The following CEP120 variants were observed in gnomAD, a reference collection of about 807,000 sequenced individuals.
The protein encoded by CEP120 is centrosomal protein of 120 kDa.
CEP120 carries 113 observed loss-of-function variants against 126.5 expected under a neutral mutation model. That is an observed-to-expected ratio of 0.89 (90% CI 0.77 to 1.04). The LOEUF (loss-of-function observed/expected upper bound fraction) is 1.04, where lower values mean the gene tolerates loss of function less well. CEP120 is among the 50% of genes least tolerant of loss of function. The pLI is 0.00. For synonymous variants in CEP120, 400 were observed against 394.3 expected (o/e 1.01, Z -0.17); for missense variants, 1,230 against 1,155.7 (o/e 1.06, Z -0.93).
At chr5:123,375,449 A>C (rs1274763939) in intron 16 of CEP120, among the ~76,000 whole-genome samples, 1 of 152,024 alleles carries the variant, frequency 6.6e-6, no homozygotes, top group Non-Finnish European at 1.5e-5. Flanking sequence ...CAGCCTCCTG[A>C]GTAGCTGGAA....
In CEP120 at chr5:123,346,473, ATTAAAAT is replaced by A. The variant is rs748291118; in HGVS notation, c.*39_*45del. ...TCACTTTTGAGGTTTTTACAAAGAA[ATTAAAAT>A]TTAGACTTAGAGTCTCTATAAAGCT... is the stretch of plus-strand genomic sequence containing the variant. On this transcript the variant is annotated 3_prime_UTR_variant, in exon 20 of 20. Coordinates refer to ENST00000306467, the MANE Select transcript of CEP120 (RefSeq NM_001375405.1). 3 of 1,396,726 alleles carry A rather than the reference ATTAAAAT, an allele frequency of 2.1e-6. No individual in the cohort carries two copies. The highest frequency in any genetic ancestry group is 3.0e-6 in the Non-Finnish European group (3 of 1,016,930). 86.5% of individuals were successfully genotyped at this position (1,396,726 alleles called of 1,614,324 possible). A position where few individuals can be genotyped will look rare whatever the true frequency, so the allele number is the denominator to read the frequency against.
chr5:123,414,527 T>C (rs10041426), intron 3 of CEP120, among the ~76,000 whole-genome samples: 42,697 of 152,118 alleles, frequency 0.28, 6,208 homozygotes, highest in East Asian at 0.43. Context: ...AAATCAAGAA[T>C]GGCGTTTTAA....
chr5:123,367,870 T>C (rs1480331947), intron 17 of CEP120, among the ~76,000 whole-genome samples: 1 of 151,906 alleles, frequency 6.6e-6, no homozygotes, highest in Admixed American at 6.6e-5. Context: ...ACAAATTAAA[T>C]CAGATACTTT....
At chr5:123,400,991 C>T in intron 4 of CEP120, 1 of 1,552,742 alleles carries the variant, frequency 6.4e-7, no homozygotes, top group Middle Eastern at 2.1e-4. Context: ...CAACCACGGC[C>T]CTGGAGTAGC....
In CEP120 at chr5:123,415,996, C is replaced by T. The variant is rs374692099; in HGVS notation, c.321+14G>A. ...TCTAACATAATCATTAGCAAAACAT[C>T]AAAAGGGCAATACCTGCTTTGTTTC... On this transcript the variant is annotated intron_variant, in intron 3 of 19. Transcript: ENST00000306467. The T allele has an allele frequency of 1.9e-6, 3 of 1,543,368 alleles. No homozygotes were observed. In the African/African-American group the frequency reaches 4.1e-5, roughly 21 times the overall value.
chr5:123,350,021 A>G lies in CEP120; in HGVS notation c.2649T>C (p.Arg883=), dbSNP rs1266124858. The part of the protein sequence containing the change: ...QQEELEQMRL[R]YLAAEEKDTV... ...TATCTTTTTCCTCAGCGGCAAGGTAACGTAGTCTCATCTGTTCCAATTCTT... is the reference window on the plus strand; with the variant it reads ...TATCTTTTTCCTCAGCGGCAAGGTAGCGTAGTCTCATCTGTTCCAATTCTT... The change falls in exon 19 of 20, where the codon CGT becomes CGC. Residue 883 remains arginine, a synonymous_variant. Transcript: ENST00000306467. The G allele has an allele frequency of 4.3e-6, 7 of 1,613,634 alleles. No homozygotes were observed. In the African/African-American group the frequency reaches 9.3e-5, roughly 22 times the overall value.
rs1219815934 is a variant in CEP120, at chr5:123,382,147, T to C, written c.2067A>G (p.Lys689=). The change falls in exon 14 of 20, where the codon AAA becomes AAG. Residue 689 remains lysine, a synonymous_variant. Transcript: ENST00000306467. ...HMQALAEEWK[K]RDRERESLVK... ...CTAGTGATTCTCTTTCTCGGTCCCT[T>C]TTCTTCCATTCCTCTGCAAGAGCCT... 6.2e-7 allele frequency: 1 copy of C among 1,610,032 alleles called. No homozygotes were observed. Among genetic ancestry groups the C allele is most frequent in the African/African-American group, 1.3e-5 (1 of 74,724 alleles).
At chr5:123,394,024 T>C (rs1772588971) in intron 5 of CEP120, among the ~76,000 whole-genome samples, 1 of 152,250 alleles carries the variant, frequency 6.6e-6, no homozygotes, top group African/African-American at 2.4e-5. Flanking sequence ...TTTTGTACTA[T>C]GAGTGTTACT....
chr5:123,366,359 C>G (rs958045291), intron 17 of CEP120, among the ~76,000 whole-genome samples: 1 of 151,784 alleles, frequency 6.6e-6, no homozygotes, highest in African/African-American at 2.4e-5. Flanking sequence ...TTGGTCATGA[C>G]TGAGGTAATA....
At chr5:123,349,835 C>A in intron 19 of CEP120, 109 bp downstream of exon 19, 1 of 869,970 alleles carries the variant, frequency 1.1e-6, no homozygotes, top group Non-Finnish European at 1.7e-6. Flanking sequence ...ATGTCTGCTA[C>A]ATTTTATATA....
Position 123,346,324 on chromosome 5 carries a change from T to C in CEP120, c.*195A>G, listed in dbSNP as rs1768811494. The C allele has an allele frequency of 2.2e-6, 1 of 453,506 alleles. No individual in the cohort carries two copies. 28.1% of individuals were successfully genotyped at this position (453,506 alleles called of 1,614,324 possible). A position where few individuals can be genotyped will look rare whatever the true frequency, so the allele number is the denominator to read the frequency against. On this transcript the variant is annotated 3_prime_UTR_variant, in exon 20 of 20. Transcript: ENST00000306467. ...TTAAAATGAGTATATAAATGCAAAT[T>C]ACAAATAAAACCAGTGTGGGAGAGG...
rs185643898 is a variant in CEP120 at position 123,378,528 on chromosome 5, G to C, written c.2104-100C>G. On this transcript the variant is annotated intron_variant, in intron 14 of 19. Transcript: ENST00000306467. ...ATACACATCATTTCACTGAAACAGA[G>C]GACCTAAGAATAGGAAAGTCACAAA... The C allele has an allele frequency of 5.6e-4, 337 of 599,568 alleles. No homozygotes were observed. The African/African-American group carries it at 6.3e-3, about 11-fold the overall frequency. 37.1% of individuals were successfully genotyped at this position (599,568 alleles called of 1,614,324 possible). A position where few individuals can be genotyped will look rare whatever the true frequency, so the allele number is the denominator to read the frequency against.
At chr5:123,393,150 T>A (rs887224851) in intron 6 of CEP120, 150 bp downstream of exon 6, 18 of 677,716 alleles carry the variant, frequency 2.7e-5, no homozygotes, top group Non-Finnish European at 3.7e-5. Context: ...CTCAGGATAG[T>A]ACCTAAAAAA....
In CEP120 at chr5:123,391,184, C is replaced by T. The variant is rs778832006; in HGVS notation, c.964G>A (p.Ala322Thr). The part of the protein sequence containing the change: ...DPPNRAKQKL[A>T]PIPVELAPTV... ...GGGGCTAGCTCCACAGGAATAGGTG[C>T]AAGCTTCTGTTTGGCTCTGTTTGGA... Residue 322 changes from alanine (A) to threonine (T), a missense_variant, in exon 7 of 20, where the codon GCA (alanine) becomes ACA (threonine). Ala to Thr is a moderately conservative substitution (Grantham distance 58). Coordinates refer to ENST00000306467, the MANE Select transcript of CEP120 (RefSeq NM_001375405.1). 3.1e-6 allele frequency: 5 copies of T among 1,614,166 alleles called. No homozygotes were observed. In the Admixed American group the frequency reaches 6.7e-5, roughly 22 times the overall value.
At chr5:123,391,964 CAA>C (rs928915920) in intron 6 of CEP120, among the ~76,000 whole-genome samples, 1 of 149,464 alleles carries the variant, frequency 6.7e-6, no homozygotes, top group Non-Finnish European at 1.5e-5. Context: ...TTGACAAGTA[CAA>C]AAAAAAAGAC....
rs200983311 is a variant in CEP120 at position 123,412,453 on chromosome 5, T to C, written c.409A>G (p.Lys137Glu). The C allele has an allele frequency of 2.1e-5, 34 of 1,611,924 alleles. No homozygotes were observed. In the Admixed American group the frequency reaches 5.0e-4, roughly 24 times the overall value. Reference protein sequence around the residue: ...QISIALETDTKPPVDSFKAKG... With the variant: ...QISIALETDTEPPVDSFKAKG... ...GCTTTAAAGCTATCCACTGGTGGCTTTGTATCGGTTTCCAAAGCAATACTT... is the reference window on the plus strand; with the variant it reads ...GCTTTAAAGCTATCCACTGGTGGCTCTGTATCGGTTTCCAAAGCAATACTT... Residue 137 changes from lysine (K) to glutamate (E), a missense_variant, in exon 4 of 20, where the codon AAG (lysine) becomes GAG (glutamate). Transcript: ENST00000306467.
chr5:123,363,466 C>CTGCTT (rs1463997338), intron 18 of CEP120, among the ~76,000 whole-genome samples: 2 of 150,820 alleles, frequency 1.3e-5, no homozygotes, highest in Non-Finnish European at 3.0e-5. Flanking sequence ...ATGTAAGACA[C>CTGCTT]TGCTTTCAAT....
intron 5 of CEP120, among the ~76,000 whole-genome samples, chr5:123,398,224 T>C (rs1408575075): frequency 6.6e-6 from 1 of 151,982 alleles, no homozygotes; most frequent in Non-Finnish European, 1.5e-5. Flanking sequence ...TAAAACCAAG[T>C]TGATGGCAGA....
intron 5 of CEP120, among the ~76,000 whole-genome samples, chr5:123,397,760 G>A (rs993975775): frequency 1.7e-4 from 26 of 152,188 alleles, no homozygotes; most frequent in Non-Finnish European, 3.7e-4. Context: ...ATTTGTGAAT[G>A]TGGATTACGT....
Sources: gnomAD v4.1 joint callset for allele counts (sites outside exome capture counted in the v4.1 genomes callset) on GRCh38, gnomAD v4.1.1 for gene constraint, MANE v1.5 for transcripts, NCBI Gene and HGNC (gene_info 2026-07-23, HGNC 2026-07-21) for gene names.